Variants in XYLT1 observed in about 807,000 individuals in gnomAD.
The protein encoded by XYLT1 is xylosyltransferase 1, also known as beta-D-xylosyltransferase 1.
A neutral mutation model predicts 91.3 loss-of-function variants in XYLT1; 36 were observed. The observed-to-expected ratio is 0.39, with a 90% CI of 0.30 to 0.52. XYLT1 has a LOEUF of 0.52. XYLT1 is among the 20% of genes least tolerant of loss of function. The pLI, the probability that XYLT1 is intolerant of heterozygous loss-of-function variation, is 0.68. For synonymous variants in XYLT1, 588 were observed against 532.0 expected (o/e 1.11, Z -1.45); for missense variants, 1,242 against 1,284.5 (o/e 0.97, Z 0.51).
intron 1 of XYLT1, among the ~76,000 whole-genome samples, chr16:17,456,965 T>C (rs775459415): frequency 6.6e-5 from 10 of 152,288 alleles, no homozygotes; most frequent in Admixed American, 2.0e-4. Flanking sequence ...TTATTATTAT[T>C]ATCATTCTGA....
rs781690842 is a variant in XYLT1, at chr16:17,259,106, G to A, written c.795C>T (p.Ile265=). 3.2e-6 allele frequency: 5 copies of A among 1,570,218 alleles called. No homozygotes were observed. In the Admixed American group the frequency reaches 7.6e-5, roughly 24 times the overall value. Residue 265 remains isoleucine, a synonymous_variant, in exon 3 of 12, where the codon ATC becomes ATT. Coordinates refer to ENST00000261381, the MANE Select transcript of XYLT1 (RefSeq NM_022166.4). ...PKCDISGKEA[I]SALSRAKSKH... is the part of the protein sequence containing the mutation. ...TGGACTTAGCACGGGACAGGGCAGA[G>A]ATGGCCTCCTTGCCTGAGATGTCAC...
chr16:17,396,421 T>A (rs1022073004), intron 1 of XYLT1, among the ~76,000 whole-genome samples: 1 of 152,196 alleles, frequency 6.6e-6, no homozygotes, highest in African/African-American at 2.4e-5. Flanking sequence ...AGCAGGACCT[T>A]CCACACAAAC....
At chr16:17,252,135 A>T (rs960034542) in intron 3 of XYLT1, among the ~76,000 whole-genome samples, 4 of 152,174 alleles carry the variant, frequency 2.6e-5, no homozygotes, top group Non-Finnish European at 5.9e-5. Flanking sequence ...AGAAAAAAAA[A>T]AGTCATTGTG....
chr16:17,370,641 G>A (rs559381308), intron 1 of XYLT1, among the ~76,000 whole-genome samples: 4 of 152,336 alleles, frequency 2.6e-5, no homozygotes, highest in African/African-American at 9.6e-5. Flanking sequence ...GACTGCAGAG[G>A]TGGCCAACAG....
At chr16:17,280,480 AC>A (rs1161747533) in intron 2 of XYLT1, among the ~76,000 whole-genome samples, 6 of 152,264 alleles carry the variant, frequency 3.9e-5, no homozygotes, top group Non-Finnish European at 8.8e-5. Flanking sequence ...AAATTCCAAT[AC>A]AATCTAGATT....
At chr16:17,436,758 C>T (rs1345752629) in intron 1 of XYLT1, among the ~76,000 whole-genome samples, 2 of 152,184 alleles carry the variant, frequency 1.3e-5, no homozygotes, top group Admixed American at 6.5e-5. Flanking sequence ...AGTTCAGAAA[C>T]ACAATTTACA....
intron 2 of XYLT1, among the ~76,000 whole-genome samples, chr16:17,269,084 A>G (rs1372743884): frequency 1.3e-5 from 2 of 152,228 alleles, no homozygotes; most frequent in Admixed American, 1.3e-4. Flanking sequence ...AACTCTAGTC[A>G]GCCTCCTCTG....
intron 1 of XYLT1, among the ~76,000 whole-genome samples, chr16:17,427,533 C>T (rs2036334709): frequency 6.6e-6 from 1 of 152,226 alleles, no homozygotes; most frequent in Non-Finnish European, 1.5e-5. Context: ...ATCCTCCCAT[C>T]TTGGCCTCCC....
At chr16:17,162,587 A>T (rs558155264) in intron 5 of XYLT1, among the ~76,000 whole-genome samples, 3 of 152,260 alleles carry the variant, frequency 2.0e-5, no homozygotes, top group African/African-American at 7.2e-5. Flanking sequence ...GAACGAGTGA[A>T]TGAATGAATG....
At chr16:17,198,168 C>G in intron 5 of XYLT1, 44 bp downstream of exon 5, 1 of 1,605,644 alleles carries the variant, frequency 6.2e-7, no homozygotes, top group Non-Finnish European at 8.5e-7. Flanking sequence ...CCAGCCAGAG[C>G]AGGACGTCAG....
At chr16:17,265,484 C>T (rs144231936) in intron 2 of XYLT1, among the ~76,000 whole-genome samples, 103 of 152,310 alleles carry the variant, frequency 6.8e-4, no homozygotes, top group African/African-American at 1.9e-3. Context: ...TTTTAATGTA[C>T]TTATTACAAT....
At chr16:17,454,357 T>G (rs183858912) in intron 1 of XYLT1, among the ~76,000 whole-genome samples, 3 of 152,190 alleles carry the variant, frequency 2.0e-5, no homozygotes, top group African/African-American at 7.2e-5. Context: ...TGAACCAATA[T>G]AGACATAGGG....
chr16:17,409,419 T>C (rs2036077856), intron 1 of XYLT1, among the ~76,000 whole-genome samples: 1 of 152,118 alleles, frequency 6.6e-6, no homozygotes, highest in Non-Finnish European at 1.5e-5. Context: ...ATGATGTGCA[T>C]AATATTGATC....
chr16:17,352,737 T>G (rs2035239436), intron 2 of XYLT1, among the ~76,000 whole-genome samples: 1 of 152,226 alleles, frequency 6.6e-6, no homozygotes, highest in Non-Finnish European at 1.5e-5. Context: ...ATGTTTGTCT[T>G]ATTTCCATCC....
At chr16:17,349,794 C>T (rs1191245701) in intron 2 of XYLT1, among the ~76,000 whole-genome samples, 2 of 151,880 alleles carry the variant, frequency 1.3e-5, no homozygotes, top group South Asian at 2.1e-4. Flanking sequence ...CATAAAAGTG[C>T]TAAATTTATG....
chr16:17,202,974 G>A lies in XYLT1; in HGVS notation c.914-2320C>T, dbSNP rs1202278155. On this transcript the variant is annotated intron_variant, in intron 3 of 11. Coordinates refer to ENST00000261381, the MANE Select transcript of XYLT1 (RefSeq NM_022166.4). ...ACGTTCATTAGATAATTTAATCCTC[G>A]TAATGATCCTACAAAGTAATGCTAT... 3.3e-5 allele frequency among the ~76,000 whole-genome samples: 5 copies of A among 151,954 alleles called. No individual in the cohort carries two copies. The South Asian group carries it at 1.0e-3, about 32-fold the overall frequency.
chr16:17,108,101 G>T lies in XYLT1; in HGVS notation c.*594C>A. 6.5e-6 allele frequency: 1 copy of T among 152,986 alleles called. No homozygotes were observed. 9.5% of individuals were successfully genotyped at this position (152,986 alleles called of 1,614,324 possible). A position where few individuals can be genotyped will look rare whatever the true frequency, so the allele number is the denominator to read the frequency against. On this transcript the variant is annotated 3_prime_UTR_variant, in exon 12 of 12. Coordinates refer to ENST00000261381, the MANE Select transcript of XYLT1 (RefSeq NM_022166.4). ...GCTGGCACCAGAGTCCCCCAGCCAA[G>T]AGAAGCAGAAAAATGAACCAAAGGG... is the stretch of plus-strand genomic sequence containing the variant.
At chr16:17,460,580 A>G (rs1326509891) in intron 1 of XYLT1, among the ~76,000 whole-genome samples, 1 of 152,060 alleles carries the variant, frequency 6.6e-6, no homozygotes, top group Non-Finnish European at 1.5e-5. Flanking sequence ...TGGGCTGCAA[A>G]CTCAACAGCC....
chr16:17,342,152 C>T (rs1378590088), intron 2 of XYLT1, among the ~76,000 whole-genome samples: 1 of 152,222 alleles, frequency 6.6e-6, no homozygotes, highest in East Asian at 1.9e-4. Flanking sequence ...CCCTCTCTCC[C>T]TTACTCATGC....
Sources: allele counts gnomAD v4.1 joint callset (sites outside exome capture counted in the v4.1 genomes callset), GRCh38; gene constraint gnomAD v4.1.1; transcripts MANE v1.5; gene names NCBI Gene and HGNC (gene_info 2026-07-23, HGNC 2026-07-21).